Variants in SV2C observed in about 807,000 individuals in gnomAD.
SV2C encodes the protein synaptic vesicle glycoprotein 2C.
Under a neutral mutation model 79.7 loss-of-function variants are expected in SV2C, and 49 were observed. The observed-to-expected ratio is 0.61, with a 90% CI of 0.49 to 0.78. The LOEUF is 0.78. Among genes scored for constraint, SV2C ranks in the 30% least tolerant of loss-of-function variants. SV2C has a pLI of 0.00. For synonymous variants in SV2C, 334 were observed against 333.2 expected, an observed-to-expected ratio of 1.00 and a Z score of -0.03; for missense variants, 833 against 912.9, an observed-to-expected ratio of 0.91 and a Z score of 1.13.
the SV2C span, among the ~76,000 whole-genome samples, chr5:75,958,541 C>A: frequency 6.6e-6 from 1 of 152,028 alleles, no homozygotes; most frequent in Non-Finnish European, 1.5e-5. Flanking sequence ...AATTGTACCA[C>A]AGAAAACATT....
At chr5:75,871,044 G>A in the SV2C span, among the ~76,000 whole-genome samples, 4 of 152,070 alleles carry the variant, frequency 2.6e-5, no homozygotes, top group African/African-American at 4.8e-5. Flanking sequence ...AGGACAATAT[G>A]CCAAGATTAG....
the SV2C span, among the ~76,000 whole-genome samples, chr5:76,068,246 G>A: frequency 6.6e-6 from 1 of 152,094 alleles, no homozygotes; most frequent in South Asian, 2.1e-4. Flanking sequence ...GATTTCTAAA[G>A]AGTCAGGAGT....
the SV2C span, among the ~76,000 whole-genome samples, chr5:75,900,207 G>T: frequency 0.015 from 2,342 of 152,242 alleles, 62 homozygotes; most frequent in African/African-American, 0.053. Context: ...GGTACCAGTT[G>T]TTCCTTTCCA....
chr5:76,264,572 A>G (rs912002913), intron 4 of SV2C, among the ~76,000 whole-genome samples: 2 of 152,094 alleles, frequency 1.3e-5, no homozygotes, highest in Admixed American at 1.3e-4. Context: ...TCATGGATTT[A>G]TCTACCTTTA....
Position 76,331,235 on chromosome 5 carries a change from C to T in SV2C, c.*5688C>T, listed in dbSNP as rs1046354540. On this transcript the variant is annotated 3_prime_UTR_variant, in exon 13 of 13. Coordinates refer to ENST00000502798, the MANE Select transcript of SV2C (RefSeq NM_014979.4). ...AGGAGCTAGGGGGTCTGTTCCCCAGCGAATAGTGTTGGGGTTTTCTCTTCA... is the reference window on the plus strand; with the variant it reads ...AGGAGCTAGGGGGTCTGTTCCCCAGTGAATAGTGTTGGGGTTTTCTCTTCA... 1 of 152,182 alleles carries T rather than the reference C, an allele frequency of 6.6e-6. No individual in the cohort carries two copies. The highest frequency in any genetic ancestry group is 1.5e-5 in the Non-Finnish European group (1 of 68,100). 9.4% of individuals were successfully genotyped at this position (152,182 alleles called of 1,614,324 possible). A position where few individuals can be genotyped will look rare whatever the true frequency, so the allele number is the denominator to read the frequency against.
At chr5:75,946,298 GT>G in the SV2C span, among the ~76,000 whole-genome samples, 1 of 152,042 alleles carries the variant, frequency 6.6e-6, no homozygotes, top group African/African-American at 2.4e-5. Context: ...ATATCCAAAT[GT>G]TTTAGCATCA....
chr5:75,998,827 TCTCA>T, the SV2C span, among the ~76,000 whole-genome samples: 31 of 152,138 alleles, frequency 2.0e-4, no homozygotes, highest in Non-Finnish European at 3.8e-4. Flanking sequence ...TCCTTCTATC[TCTCA>T]CTCTCTCTCT....
chr5:75,930,185 C>T, the SV2C span, among the ~76,000 whole-genome samples: 1,167 of 152,182 alleles, frequency 7.7e-3, 13 homozygotes, highest in African/African-American at 0.025. Context: ...CCCCTGCTTT[C>T]CGCCTCATCT....
chr5:75,972,111 C>T, the SV2C span, among the ~76,000 whole-genome samples: 1 of 152,136 alleles, frequency 6.6e-6, no homozygotes, highest in Non-Finnish European at 1.5e-5. Context: ...GCTGGGAAAA[C>T]TGGCTAGCCA....
At chr5:75,850,085 A>G in the SV2C span, among the ~76,000 whole-genome samples, 10 of 152,308 alleles carry the variant, frequency 6.6e-5, no homozygotes, top group African/African-American at 2.4e-4. Flanking sequence ...GTTTTCCTTG[A>G]AAATCTTCAT....
intron 1 of SV2C, among the ~76,000 whole-genome samples, chr5:76,084,918 C>T (rs1747129562): frequency 6.6e-6 from 1 of 151,772 alleles, no homozygotes; most frequent in African/African-American, 2.4e-5. Context: ...GCCGCAGTGC[C>T]GGGAAGGAGC....
At chr5:75,948,761 C>T in the SV2C span, among the ~76,000 whole-genome samples, 1 of 151,760 alleles carries the variant, frequency 6.6e-6, no homozygotes, top group African/African-American at 2.4e-5. Flanking sequence ...AGCAAGAAAG[C>T]TGGTATAATT....
intron 1 of SV2C, among the ~76,000 whole-genome samples, chr5:76,089,647 A>G (rs1015273655): frequency 1.3e-5 from 2 of 152,260 alleles, no homozygotes; most frequent in Non-Finnish European, 2.9e-5. Flanking sequence ...TCCCACCAAC[A>G]GTGGAAAAGC....
chr5:76,084,869 C>T (rs977585980), intron 1 of SV2C, among the ~76,000 whole-genome samples: 6 of 151,774 alleles, frequency 4.0e-5, no homozygotes, highest in African/African-American at 7.3e-5. Context: ...AGGAAAGCCC[C>T]GCACGGCCTG....
intron 4 of SV2C, among the ~76,000 whole-genome samples, chr5:76,276,638 CTT>C (rs1188116727): frequency 2.5e-4 from 35 of 137,466 alleles, no homozygotes; most frequent in Non-Finnish European, 3.2e-4. Context: ...TTTTCTTTTT[CTT>C]TTTTTTTTTT....
intron 2 of SV2C, chr5:76,171,054 GGCAGCGGCTGGAGGA>G (rs1743220955): frequency 2.9e-5 from 4 of 139,132 alleles, no homozygotes; most frequent in Non-Finnish European, 5.1e-5. Context: ...CCGCCCGGGA[GGCAGCGGCTGGAGGA>G]GCGGACGGGC....
chr5:76,218,999 A>C (rs772937816), intron 4 of SV2C, among the ~76,000 whole-genome samples: 13 of 152,206 alleles, frequency 8.5e-5, no homozygotes, highest in Admixed American at 2.0e-4. Flanking sequence ...ATGGATAAGA[A>C]AGATTAGAAG....
At chr5:76,186,088 C>T (rs1219964553) in intron 2 of SV2C, among the ~76,000 whole-genome samples, 1 of 152,128 alleles carries the variant, frequency 6.6e-6, no homozygotes, top group Non-Finnish European at 1.5e-5. Context: ...TGACCTTTAC[C>T]CTAGTTCCCA....
At chr5:76,064,311 G>A in the SV2C span, among the ~76,000 whole-genome samples, 1 of 152,154 alleles carries the variant, frequency 6.6e-6, no homozygotes, top group Non-Finnish European at 1.5e-5. Flanking sequence ...GGCCCTGGAC[G>A]TGAGAGGAGA....
Sources: gnomAD v4.1 joint callset for allele counts (sites outside exome capture counted in the v4.1 genomes callset) on GRCh38, gnomAD v4.1.1 for gene constraint, MANE v1.5 for transcripts, NCBI Gene and HGNC (gene_info 2026-07-23, HGNC 2026-07-21) for gene names.